Variants in IGF1R observed in about 807,000 individuals in gnomAD.
IGF1R encodes the protein insulin like growth factor 1 receptor.
A neutral mutation model predicts 144.6 loss-of-function variants in IGF1R; 44 were observed. The ratio of observed to expected loss-of-function variants is 0.30; its 90% confidence interval spans 0.24 to 0.39. IGF1R has a LOEUF of 0.39. IGF1R is among the 10% of genes least tolerant of loss of function. The probability of loss-of-function intolerance (pLI) is 1.00; values close to 1 mark genes in which losing one functional copy is unlikely to be tolerated. For synonymous variants in IGF1R, 795 were observed against 722.8 expected, an observed-to-expected ratio of 1.10 and a Z score of -1.60; for missense variants, 1,355 against 1,833.7, an observed-to-expected ratio of 0.74 and a Z score of 4.77.
At chr15:98,862,108 A>G (rs962870287) in intron 2 of IGF1R, among the ~76,000 whole-genome samples, 2 of 152,268 alleles carry the variant, frequency 1.3e-5, no homozygotes, top group African/African-American at 4.8e-5. Flanking sequence ...TGTAGGGCTT[A>G]TGATGCTGGG....
chr15:98,841,680 A>G (rs2670509), intron 2 of IGF1R, among the ~76,000 whole-genome samples: 11,312 of 152,222 alleles, frequency 0.074, 816 homozygotes, highest in African/African-American at 0.18. Context: ...ACAGAAACAA[A>G]CAACTTGTGG....
chr15:98,813,649 C>G (rs1001666087), intron 2 of IGF1R, among the ~76,000 whole-genome samples: 4 of 152,198 alleles, frequency 2.6e-5, no homozygotes, highest in Admixed American at 1.3e-4. Flanking sequence ...TTGGCCTCAC[C>G]GTACCTGAAT....
rs1388214163 is a variant in IGF1R, at chr15:98,960,295, T to TTG, written c.*2854_*2855insGT. Reference sequence around the variant, plus strand: ...TGAGATGTCCTGTTTTGTGTTGCTTTTTTTGTTTTGTTTTCTATCTTGGTT... The same window carrying TTG: ...TGAGATGTCCTGTTTTGTGTTGCTTTTGTTTTGTTTTGTTTTCTATCTTGGTT... On this transcript the variant is annotated 3_prime_UTR_variant, in exon 21 of 21. Transcript: ENST00000650285. The TTG allele has an allele frequency of 3.5e-5, 8 of 231,404 alleles. No individual in the cohort carries two copies. The highest frequency in any genetic ancestry group is 6.0e-5 in the Non-Finnish European group (7 of 117,342). 14.3% of individuals were successfully genotyped at this position (231,404 alleles called of 1,614,324 possible). A position where few individuals can be genotyped will look rare whatever the true frequency, so the allele number is the denominator to read the frequency against.
chr15:98,940,889 C>T (rs1409363691), intron 18 of IGF1R, among the ~76,000 whole-genome samples: 2 of 152,236 alleles, frequency 1.3e-5, no homozygotes, highest in Admixed American at 6.5e-5. Flanking sequence ...CTCTGTGAAG[C>T]TGGGCAGCCC....
At chr15:98,896,972 G>T in intron 4 of IGF1R, 67 bp downstream of exon 4, 2 of 1,510,884 alleles carry the variant, frequency 1.3e-6, no homozygotes, top group Non-Finnish European at 9.2e-7. Context: ...TGCTTTTCAT[G>T]CTCCCGTCCC....
intron 2 of IGF1R, among the ~76,000 whole-genome samples, chr15:98,723,917 G>A (rs2054301710): frequency 6.6e-6 from 1 of 152,204 alleles, no homozygotes; most frequent in South Asian, 2.1e-4. Context: ...ATCCTACATA[G>A]TGTGCCCAGA....
At chr15:98,956,495 T>C (rs1041531061) in intron 20 of IGF1R, among the ~76,000 whole-genome samples, 1 of 152,214 alleles carries the variant, frequency 6.6e-6, no homozygotes, top group African/African-American at 2.4e-5. Context: ...TTCTTCGTGT[T>C]GCAAGCCTGG....
chr15:98,747,013 G>C (rs751335183), intron 2 of IGF1R, among the ~76,000 whole-genome samples: 2 of 152,104 alleles, frequency 1.3e-5, no homozygotes, highest in African/African-American at 2.4e-5. Context: ...TGCGTGGATC[G>C]CTGTGATTAA....
intron 18 of IGF1R, 43 bp from the exon 19 acceptor site, chr15:98,942,880 G>T: frequency 6.2e-7 from 1 of 1,613,176 alleles, no homozygotes. Context: ...CAGCAGTGGT[G>T]CCTGCTCCAG....
At chr15:98,682,563 T>A (rs2141216383) in intron 1 of IGF1R, among the ~76,000 whole-genome samples, 1 of 152,292 alleles carries the variant, frequency 6.6e-6, no homozygotes, top group East Asian at 1.9e-4. Flanking sequence ...GCCTTTTTTT[T>A]TGGAGACAGA....
intron 2 of IGF1R, among the ~76,000 whole-genome samples, chr15:98,859,875 G>A (rs568672974): frequency 3.5e-4 from 54 of 152,304 alleles, no homozygotes; most frequent in African/African-American, 1.3e-3. Context: ...AGCCAAAGCA[G>A]CATGCCTTGC....
At chr15:98,774,515 T>G (rs541780407) in intron 2 of IGF1R, among the ~76,000 whole-genome samples, 1 of 152,148 alleles carries the variant, frequency 6.6e-6, no homozygotes. Context: ...TATTCAGTCC[T>G]AAAAAGGAAG....
At chr15:98,842,772 T>A (rs1335752524) in intron 2 of IGF1R, among the ~76,000 whole-genome samples, 1 of 152,092 alleles carries the variant, frequency 6.6e-6, no homozygotes, top group Non-Finnish European at 1.5e-5. Context: ...ACTTGTAGAG[T>A]GATTTTTAAG....
At chr15:98,903,962 T>A (rs2014602423) in intron 5 of IGF1R, among the ~76,000 whole-genome samples, 1 of 152,114 alleles carries the variant, frequency 6.6e-6, no homozygotes, top group South Asian at 2.1e-4. Context: ...GAGGGAACTC[T>A]TGGATGATGG....
At chr15:98,742,252 G>A (rs1386046821) in intron 2 of IGF1R, among the ~76,000 whole-genome samples, 2 of 152,220 alleles carry the variant, frequency 1.3e-5, no homozygotes, top group African/African-American at 2.4e-5. Flanking sequence ...GCCTAGGCCT[G>A]GAGTATGGAC....
chr15:98,834,317 C>G (rs181463062), intron 2 of IGF1R, among the ~76,000 whole-genome samples: 1 of 152,330 alleles, frequency 6.6e-6, no homozygotes, highest in East Asian at 1.9e-4. Flanking sequence ...CTGTCACTTT[C>G]TCTGGCTGTA....
intron 5 of IGF1R, among the ~76,000 whole-genome samples, chr15:98,902,415 CTTT>C (rs11434197): frequency 6.7e-5 from 8 of 119,814 alleles, no homozygotes; most frequent in Admixed American, 1.9e-4. Context: ...TTTTCTTGAA[CTTT>C]TTTTTTTTTT....
intron 2 of IGF1R, among the ~76,000 whole-genome samples, chr15:98,731,591 T>G (rs549686884): frequency 6.6e-6 from 1 of 152,316 alleles, no homozygotes; most frequent in East Asian, 1.9e-4. Flanking sequence ...GTGCCTCTTC[T>G]AGGGAGGGGT....
intron 2 of IGF1R, among the ~76,000 whole-genome samples, chr15:98,774,683 G>A (rs781110113): frequency 6.0e-5 from 9 of 150,352 alleles, no homozygotes; most frequent in Non-Finnish European, 1.0e-4. Flanking sequence ...TGATGGCTGC[G>A]GTGGTGGGGG....
Sources: allele counts gnomAD v4.1 joint callset (sites outside exome capture counted in the v4.1 genomes callset), GRCh38; gene constraint gnomAD v4.1.1; transcripts MANE v1.5; gene names NCBI Gene and HGNC (gene_info 2026-07-23, HGNC 2026-07-21).